The following CSMD2 variants were observed in gnomAD, a reference collection of about 807,000 sequenced individuals.
The protein encoded by CSMD2 is CUB and Sushi multiple domains 2.
A neutral mutation model predicts 398.5 loss-of-function variants in CSMD2; 130 were observed. The ratio of observed to expected loss-of-function variants is 0.33; its 90% CI spans 0.28 to 0.38. The LOEUF is 0.38. Ranked by LOEUF, CSMD2 falls within the 10% of genes least tolerant of loss-of-function variation. The pLI is 1.00. For synonymous variants in CSMD2, 1,828 were observed against 1,908.5 expected, an observed-to-expected ratio of 0.96 and a Z score of 1.10; for missense variants, 3,829 against 4,764.9, an observed-to-expected ratio of 0.80 and a Z score of 5.78.
intron 6 of CSMD2, among the ~76,000 whole-genome samples, chr1:33,838,141 G>T (rs921867028): frequency 6.6e-6 from 1 of 152,132 alleles, no homozygotes; most frequent in Non-Finnish European, 1.5e-5. Context: ...CTCTATGAGG[G>T]TGAGCCCCTC....
In CSMD2 at chr1:34,163,838, T is replaced by C. The variant is rs1195102380; in HGVS notation, c.187+1073A>G. ...CTCCACCCGGGCACACGGAACTTTC[T>C]AGCTTGTAGCTAGAACTGAGCTTCG... is the stretch of plus-strand genomic sequence containing the variant. On this transcript the variant is annotated intron_variant, in intron 1 of 70. Coordinates refer to ENST00000373381, the MANE Select transcript of CSMD2 (RefSeq NM_001281956.2). This position sits in a 1 kb window ranked among gnomAD's most constrained non-coding sequence, Gnocchi z 5.4. Among the ~76,000 whole-genome samples, 1 of 152,114 alleles carries C rather than the reference T, an allele frequency of 6.6e-6. No homozygotes were observed. Among genetic ancestry groups the C allele is most frequent in the Non-Finnish European group, 1.5e-5 (1 of 68,014 alleles).
At chr1:34,063,562 C>CTGA (rs1456661971) in intron 2 of CSMD2, among the ~76,000 whole-genome samples, 1 of 152,220 alleles carries the variant, frequency 6.6e-6, no homozygotes, top group Non-Finnish European at 1.5e-5. Flanking sequence ...CCAGGTCATG[C>CTGA]TGATGCAAGA....
At chr1:33,795,174 G>A (rs2124891286) in intron 10 of CSMD2, among the ~76,000 whole-genome samples, 1 of 152,208 alleles carries the variant, frequency 6.6e-6, no homozygotes, top group South Asian at 2.1e-4. Context: ...GAAGTAGGAT[G>A]TGGGCCTGCA....
At chr1:33,767,269 A>G (rs1650627980) in intron 13 of CSMD2, among the ~76,000 whole-genome samples, 1 of 152,256 alleles carries the variant, frequency 6.6e-6, no homozygotes, top group African/African-American at 2.4e-5. Flanking sequence ...TAGATGGGTA[A>G]GAATAAAAAA....
chr1:34,162,671 C>T (rs1460134751), intron 1 of CSMD2, among the ~76,000 whole-genome samples: 6 of 152,048 alleles, frequency 3.9e-5, no homozygotes, highest in Admixed American at 3.9e-4. Context: ...CCAGCCTGGC[C>T]AACATGGTGA....
intron 25 of CSMD2, among the ~76,000 whole-genome samples, chr1:33,665,385 C>T (rs1055861303): frequency 5.3e-5 from 8 of 150,480 alleles, no homozygotes; most frequent in Non-Finnish European, 1.0e-4. Context: ...CCCGACCCAA[C>T]GATTCAAAAA....
At chr1:34,062,973 A>C (rs1363698151) in intron 2 of CSMD2, among the ~76,000 whole-genome samples, 1 of 152,136 alleles carries the variant, frequency 6.6e-6, no homozygotes, top group Non-Finnish European at 1.5e-5. Flanking sequence ...GGTGAAAGGC[A>C]CTTCTTACAT....
At chr1:33,715,036 A>G (rs1646122671) in intron 20 of CSMD2, among the ~76,000 whole-genome samples, 1 of 152,136 alleles carries the variant, frequency 6.6e-6, no homozygotes. Context: ...GGAGGCCAGG[A>G]CGGGCGGTCT....
Position 33,705,921 on chromosome 1 carries a change from C to T in CSMD2, c.3576+3168G>A, listed in dbSNP as rs1451134235. Among the ~76,000 whole-genome samples the T allele has an allele frequency of 2.3e-4, 33 of 145,748 alleles. 1 individual carries two copies. ...CCTTGATCAGTTCTGCTAGTATTGT[C>T]TACTTTATTATTTAAAAAAAAAAAA... is the stretch of plus-strand genomic sequence containing the variant. On this transcript the variant is annotated intron_variant, in intron 22 of 70. Transcript: ENST00000373381.
chr1:33,704,652 C>T (rs769276684), intron 22 of CSMD2, among the ~76,000 whole-genome samples: 1 of 152,182 alleles, frequency 6.6e-6, no homozygotes, highest in Non-Finnish European at 1.5e-5. Context: ...ACAGTTTTGA[C>T]CTACAAAAAT....
chr1:33,550,141 C>T, intron 56 of CSMD2, 36 bp downstream of exon 56: 3 of 1,596,772 alleles, frequency 1.9e-6, no homozygotes, highest in Non-Finnish European at 2.6e-6. Context: ...GTCAAGCATT[C>T]CACTGGAGCT....
intron 44 of CSMD2, among the ~76,000 whole-genome samples, chr1:33,596,946 T>C (rs940145754): frequency 6.6e-6 from 1 of 152,240 alleles, no homozygotes; most frequent in African/African-American, 2.4e-5. Flanking sequence ...TTTTCATTTG[T>C]GTGCTGTCTG....
At chr1:34,039,395 G>A (rs1056412088) in intron 2 of CSMD2, among the ~76,000 whole-genome samples, 3 of 152,206 alleles carry the variant, frequency 2.0e-5, no homozygotes, top group African/African-American at 4.8e-5. Flanking sequence ...AAGAGCCCCT[G>A]CAAACCTCTT....
At chr1:34,002,728 T>C (rs1324777523) in intron 3 of CSMD2, among the ~76,000 whole-genome samples, 2 of 152,210 alleles carry the variant, frequency 1.3e-5, no homozygotes, top group African/African-American at 2.4e-5. Flanking sequence ...AAACAAATAA[T>C]TAACAAAAGG....
chr1:34,161,860 C>G (rs1048924047), intron 1 of CSMD2, among the ~76,000 whole-genome samples: 7 of 151,906 alleles, frequency 4.6e-5, no homozygotes, highest in African/African-American at 2.4e-5. Context: ...GTTCACAGGT[C>G]AAAGGGAAAT....
At chr1:33,740,824 C>G (rs1192905146) in intron 14 of CSMD2, among the ~76,000 whole-genome samples, 2 of 152,162 alleles carry the variant, frequency 1.3e-5, no homozygotes, top group African/African-American at 2.4e-5. Context: ...CACACACATA[C>G]ACGCGCGCGC....
chr1:34,010,540 G>A (rs1647218310), intron 3 of CSMD2, among the ~76,000 whole-genome samples: 1 of 152,114 alleles, frequency 6.6e-6, no homozygotes, highest in Non-Finnish European at 1.5e-5. Context: ...CACAAAGGGT[G>A]TAACCAATGG....
chr1:33,912,438 G>A (rs1230218436), intron 5 of CSMD2, among the ~76,000 whole-genome samples: 1 of 151,388 alleles, frequency 6.6e-6, no homozygotes, highest in Non-Finnish European at 1.5e-5. Context: ...CCTGAGGCTG[G>A]CACTTCCACT....
At chr1:33,859,162 A>T (rs907053146) in intron 5 of CSMD2, among the ~76,000 whole-genome samples, 1 of 152,208 alleles carries the variant, frequency 6.6e-6, no homozygotes, top group Non-Finnish European at 1.5e-5. Context: ...GGCTTAAAGA[A>T]CACAAATTTA....
Sources: allele counts gnomAD v4.1 joint callset (sites outside exome capture counted in the v4.1 genomes callset), GRCh38; gene constraint gnomAD v4.1.1; non-coding constraint Gnocchi (gnomAD v3.1); transcripts MANE v1.5; gene names NCBI Gene and HGNC (gene_info 2026-07-23, HGNC 2026-07-21).